The following ZDHHC14 variants were observed in gnomAD, a reference collection of about 807,000 sequenced individuals.
The protein encoded by ZDHHC14 is palmitoyltransferase ZDHHC14.
A neutral mutation model predicts 47.7 loss-of-function variants in ZDHHC14; 16 were observed. The ratio of observed to expected loss-of-function variants is 0.34; its 90% CI spans 0.23 to 0.51. ZDHHC14 has a LOEUF of 0.51. ZDHHC14 is among the 20% of genes least tolerant of loss of function. The pLI, the probability that ZDHHC14 is intolerant of heterozygous loss-of-function variation, is 0.97. For missense variants in ZDHHC14, 515 were observed against 662.5 expected, an observed-to-expected ratio of 0.78 and a Z score of 2.44; for synonymous variants, 293 against 278.9, an observed-to-expected ratio of 1.05 and a Z score of -0.50.
intron 3 of ZDHHC14, among the ~76,000 whole-genome samples, chr6:157,603,456 A>G (rs539424467): frequency 1.3e-5 from 2 of 152,304 alleles, no homozygotes; most frequent in South Asian, 4.1e-4. Flanking sequence ...ATGCCCATCT[A>G]GGAAAGAGGG....
rs1385059710 is a variant in ZDHHC14 at position 157,527,143 on chromosome 6, A to G, written c.246-15442A>G. ...GTAGGTAAGGCCAACGTTCTCTTCT[A>G]TCGCTGCAAGCTGGTGACCCTCAGC... On this transcript the variant is annotated intron_variant, in intron 1 of 8. Transcript: ENST00000359775. Among the ~76,000 whole-genome samples the G allele has an allele frequency of 2.6e-5, 4 of 152,262 alleles. No individual in the cohort carries two copies. In the South Asian group the frequency reaches 6.2e-4, roughly 24 times the overall value.
intron 3 of ZDHHC14, among the ~76,000 whole-genome samples, chr6:157,612,578 G>A (rs927056303): frequency 2.0e-5 from 3 of 152,160 alleles, no homozygotes; most frequent in African/African-American, 7.2e-5. Flanking sequence ...TTCCTTCATA[G>A]CTCTGACCAG....
At chr6:157,407,520 C>T (rs534093086) in intron 1 of ZDHHC14, among the ~76,000 whole-genome samples, 1 of 152,292 alleles carries the variant, frequency 6.6e-6, no homozygotes, top group Admixed American at 6.5e-5. Flanking sequence ...GTAGTCTTCC[C>T]ATTAGCAAAT....
rs1228924244 is a variant in ZDHHC14 at position 157,662,759 on chromosome 6, A to G, written c.1068+9132A>G. 2.0e-5 allele frequency among the ~76,000 whole-genome samples: 3 copies of G among 152,386 alleles called. No homozygotes were observed. The East Asian group carries it at 5.8e-4, about 29-fold the overall frequency. On this transcript the variant is annotated intron_variant, in intron 8 of 8. Transcript: ENST00000359775. ...ATCTGTGAACCCAGAGACAGATGTC[A>G]TGGACATTCAAGCCATCAGACACTG...
At chr6:157,585,791 G>C (rs1783673768) in intron 2 of ZDHHC14, among the ~76,000 whole-genome samples, 1 of 152,248 alleles carries the variant, frequency 6.6e-6, no homozygotes, top group Non-Finnish European at 1.5e-5. Context: ...ATGCGAGGTT[G>C]GCTCTGGATC....
Position 157,616,271 on chromosome 6 carries a change from G to C in ZDHHC14, c.566-12078G>C, listed in dbSNP as rs1243447806. Among the ~76,000 whole-genome samples the C allele has an allele frequency of 5.9e-5, 9 of 152,312 alleles. No individual in the cohort carries two copies. The East Asian group carries it at 1.7e-3, about 29-fold the overall frequency. Reference sequence around the variant, plus strand: ...ATCAGAGAGACCATGACCACCTCCTGCTGACCACCTGGATGTGAGGGATGA... The same window carrying C: ...ATCAGAGAGACCATGACCACCTCCTCCTGACCACCTGGATGTGAGGGATGA... On this transcript the variant is annotated intron_variant, in intron 3 of 8. Transcript: ENST00000359775.
intron 2 of ZDHHC14, among the ~76,000 whole-genome samples, chr6:157,563,800 G>A (rs1034638871): frequency 6.6e-6 from 1 of 152,214 alleles, no homozygotes; most frequent in Non-Finnish European, 1.5e-5. Context: ...GTGGGGCTGC[G>A]GTGAGTGAGG....
At chr6:157,401,060 A>G (rs1396968517) in intron 1 of ZDHHC14, among the ~76,000 whole-genome samples, 3 of 152,196 alleles carry the variant, frequency 2.0e-5, no homozygotes, top group Admixed American at 6.5e-5. Flanking sequence ...TGTTAAACCT[A>G]GGTGCATCCA....
At chr6:157,488,975 A>C (rs1779846989) in intron 1 of ZDHHC14, among the ~76,000 whole-genome samples, 1 of 151,944 alleles carries the variant, frequency 6.6e-6, no homozygotes, top group Non-Finnish European at 1.5e-5. Flanking sequence ...AAGAGTTGTT[A>C]CTCTGTTTTT....
At chr6:157,523,977 A>G (rs996551107) in intron 1 of ZDHHC14, among the ~76,000 whole-genome samples, 2 of 152,222 alleles carry the variant, frequency 1.3e-5, no homozygotes, top group African/African-American at 4.8e-5. Context: ...TTAGGAAATA[A>G]AATAGGACAA....
At chr6:157,459,621 G>A (rs1779017360) in intron 1 of ZDHHC14, among the ~76,000 whole-genome samples, 2 of 152,132 alleles carry the variant, frequency 1.3e-5, no homozygotes, top group Admixed American at 6.5e-5. Flanking sequence ...CCTCAGGGTG[G>A]GAGCCTCTAG....
intron 2 of ZDHHC14, among the ~76,000 whole-genome samples, chr6:157,549,251 C>T (rs2114818054): frequency 6.6e-6 from 1 of 152,372 alleles, no homozygotes; most frequent in African/African-American, 2.4e-5. Flanking sequence ...AAACAGAAAG[C>T]CGAGCCTAGT....
chr6:157,525,540 A>G (rs773327187), intron 1 of ZDHHC14, among the ~76,000 whole-genome samples: 6 of 151,788 alleles, frequency 4.0e-5, no homozygotes, highest in Non-Finnish European at 8.8e-5. Context: ...GGCAGGGAGC[A>G]AGACAGAAGT....
chr6:157,462,339 A>G (rs1202006104), intron 1 of ZDHHC14, among the ~76,000 whole-genome samples: 2 of 152,232 alleles, frequency 1.3e-5, no homozygotes, highest in African/African-American at 4.8e-5. Flanking sequence ...CCACAAGATG[A>G]ACACTAACTG....
intron 1 of ZDHHC14, among the ~76,000 whole-genome samples, chr6:157,501,096 G>A (rs769086197): frequency 6.6e-6 from 1 of 152,178 alleles, no homozygotes; most frequent in Non-Finnish European, 1.5e-5. Flanking sequence ...GGCAAATAAT[G>A]AAAATTCAGA....
intron 2 of ZDHHC14, among the ~76,000 whole-genome samples, chr6:157,551,297 G>A (rs1782220761): frequency 6.6e-6 from 1 of 152,152 alleles, no homozygotes; most frequent in African/African-American, 2.4e-5. Context: ...AGCAGTCATG[G>A]AGGTCACCCT....
chr6:157,383,744 A>C (rs1416552117), intron 1 of ZDHHC14, among the ~76,000 whole-genome samples: 4 of 152,114 alleles, frequency 2.6e-5, no homozygotes, highest in Admixed American at 6.5e-5. Context: ...CTTGATGTTT[A>C]GGTTCTGTGT....
intron 3 of ZDHHC14, among the ~76,000 whole-genome samples, chr6:157,613,667 C>A (rs138456576): frequency 7.2e-5 from 11 of 152,252 alleles, no homozygotes; most frequent in African/African-American, 2.6e-4. Context: ...TTTCAAGCAG[C>A]CTTGTTGGAG....
At chr6:157,559,837 T>A (rs560879270) in intron 2 of ZDHHC14, among the ~76,000 whole-genome samples, 5 of 152,170 alleles carry the variant, frequency 3.3e-5, no homozygotes, top group African/African-American at 1.2e-4. Context: ...GAAATAAACA[T>A]GAAGAACCAA....
Sources: gnomAD v4.1 joint callset for allele counts (sites outside exome capture counted in the v4.1 genomes callset) on GRCh38, gnomAD v4.1.1 for gene constraint, MANE v1.5 for transcripts, NCBI Gene and HGNC (gene_info 2026-07-23, HGNC 2026-07-21) for gene names.